CCN5: variants seen among roughly 807,000 people sequenced by gnomAD.
CCN5 encodes the protein CCN family member 5.
Under a neutral mutation model 18.7 loss-of-function variants are expected in CCN5, and 17 were observed. The ratio of observed to expected loss-of-function variants is 0.91; its 90% CI spans 0.62 to 1.36. The LOEUF is 1.36. CCN5 is among the 40% of genes most tolerant of loss of function. The pLI is 0.00. For missense variants in CCN5, 367 were observed against 342.9 expected, an observed-to-expected ratio of 1.07 and a Z score of -0.56; for synonymous variants, 135 against 145.2, an observed-to-expected ratio of 0.93 and a Z score of 0.50.
upstream of CCN5, chr20:44,715,098 A>C: frequency 4.7e-6 from 1 of 213,966 alleles, no homozygotes; most frequent in African/African-American, 2.5e-5. Context: ...ACACACGCGC[A>C]CACACACACA....
upstream of CCN5, chr20:44,715,227 G>GTT (rs1168941016): frequency 3.6e-4 from 202 of 556,536 alleles, 2 homozygotes; most frequent in Middle Eastern, 5.2e-3. Context: ...AAGCTAGTGT[G>GTT]TTTGTGTGTG....
chr20:44,721,394 C>T (rs1014630983), intron 2 of CCN5: 2 of 150,262 alleles, frequency 1.3e-5, no homozygotes, highest in East Asian at 3.9e-4. Context: ...TGCCTGTGGT[C>T]CCAGCTACTT....
chr20:44,724,959 G>A lies in CCN5; in HGVS notation c.499G>A (p.Gly167Arg). 1.3e-6 allele frequency: 2 copies of A among 1,594,548 alleles called. No individual in the cohort carries two copies. The highest frequency in any genetic ancestry group is 8.5e-7 in the Non-Finnish European group (1 of 1,171,574). Residue 167 changes from glycine to arginine, a missense_variant, in exon 3 of 4, where the codon GGG (glycine) becomes AGG (arginine). Physicochemically the swap from Gly to Arg is moderately radical, Grantham distance 125. Coordinates refer to ENST00000190983, the MANE Select transcript of CCN5 (RefSeq NM_003881.4). ...CCPEWVCGQG[G>R]GLGTQPLPAQ... ...CCCTGAGTGGGTGTGCGGCCAAGGAGGGGGACTGGGGACCCAGCCCCTTCC... is the reference window on the plus strand; with the variant it reads ...CCCTGAGTGGGTGTGCGGCCAAGGAAGGGGACTGGGGACCCAGCCCCTTCC...
In CCN5 at chr20:44,727,418, A is replaced by T; in HGVS notation, c.*111A>T. On this transcript the variant is annotated 3_prime_UTR_variant, in exon 4 of 4. Coordinates refer to ENST00000190983, the MANE Select transcript of CCN5 (RefSeq NM_003881.4). Reference sequence around the variant, plus strand: ...GTGCCCAGGCCCTTGGCTGCAGGCAACACTTTAGCTTGGGTCCACCATGCA... The same window carrying T: ...GTGCCCAGGCCCTTGGCTGCAGGCATCACTTTAGCTTGGGTCCACCATGCA... 1 of 1,449,654 alleles carries T rather than the reference A, an allele frequency of 6.9e-7. No individual in the cohort carries two copies. 89.8% of individuals were successfully genotyped at this position (1,449,654 alleles called of 1,614,324 possible). A position where few individuals can be genotyped will look rare whatever the true frequency, so the allele number is the denominator to read the frequency against.
chr20:44,725,122 A>G, intron 3 of CCN5, 130 bp downstream of exon 3: 1 of 1,255,758 alleles, frequency 8.0e-7, no homozygotes, highest in Non-Finnish European at 1.0e-6. Context: ...GGAGGGGCGG[A>G]GGCTGAGGAG....
intron 2 of CCN5, among the ~76,000 whole-genome samples, chr20:44,721,897 A>G (rs1309703453): frequency 1.3e-5 from 2 of 152,274 alleles, no homozygotes. Flanking sequence ...TAAGCGGCAG[A>G]GCTGAGATTT....
At chr20:44,715,276 CGCGCGT>C (rs1342999902), upstream of CCN5, 2,500 of 769,194 alleles carry the variant, frequency 3.3e-3, 60 homozygotes, top group African/African-American at 0.037. Context: ...CGCGCGCGCG[CGCGCGT>C]GTGTACTCGT....
rs2065927090 is a variant in CCN5 at position 44,725,053 on chromosome 20, G to T, written c.532+61G>T. 2.1e-6 allele frequency: 3 copies of T among 1,462,080 alleles called. No individual in the cohort carries two copies. The East Asian group carries it at 7.2e-5, about 35-fold the overall frequency. The allele number at this position is 1,462,080 out of a possible 1,614,324, so 90.6% of individuals were successfully genotyped here. ...GCCTGGGGGCGCCAAGGGCCACCTA[G>T]GGGGTGGGGTGGGGGGCGGCTTCCT... On this transcript the variant is annotated intron_variant, in intron 3 of 3. Coordinates refer to ENST00000190983, the MANE Select transcript of CCN5 (RefSeq NM_003881.4).
At chr20:44,718,930 T>C (rs1025420253) in intron 1 of CCN5, among the ~76,000 whole-genome samples, 1 of 152,166 alleles carries the variant, frequency 6.6e-6, no homozygotes, top group Non-Finnish European at 1.5e-5. Context: ...CCAGAGTGGG[T>C]TGGGGGTCTG....
intron 2 of CCN5, chr20:44,721,054 A>G (rs757120864): frequency 1.3e-5 from 2 of 152,148 alleles, no homozygotes; most frequent in Non-Finnish European, 2.9e-5. Flanking sequence ...GAGGCAAGAG[A>G]TTGTTCTTCT....
At chr20:44,715,229 T>TTG (rs746209770), upstream of CCN5, 29,545 of 512,584 alleles carry the variant, frequency 0.058, 697 homozygotes, top group Admixed American at 0.17. Flanking sequence ...GCTAGTGTGT[T>TTG]TGTGTGTGTG....
intron 2 of CCN5, chr20:44,720,454 T>G: frequency 7.6e-6 from 3 of 393,452 alleles, no homozygotes; most frequent in East Asian, 5.8e-5. Flanking sequence ...CTCAGGATCC[T>G]TACAACACTT....
intron 3 of CCN5, 70 bp from the exon 4 acceptor site, chr20:44,727,017 C>A: frequency 6.9e-7 from 1 of 1,441,318 alleles, no homozygotes; most frequent in Non-Finnish European, 9.3e-7. Flanking sequence ...GCCGTGGCCG[C>A]TGGCAGGTGG....
At position 44,727,331 on chromosome 20, in the gene CCN5, G is replaced by A. The variant is rs544099366; in HGVS notation, c.*24G>A. On this transcript the variant is annotated 3_prime_UTR_variant, in exon 4 of 4. Transcript: ENST00000190983. ...AGAGCCGGGCTGGGAATGGGGACAC[G>A]GTGTCCACCATCCCCAGCTGGTGGC... The A allele has an allele frequency of 2.4e-5, 38 of 1,588,844 alleles. No individual in the cohort carries two copies. The highest frequency in any genetic ancestry group is 3.0e-5 in the Non-Finnish European group (35 of 1,165,150).
At position 44,727,480 on chromosome 20, in the gene CCN5, A is replaced by C; in HGVS notation, c.*173A>C. On this transcript the variant is annotated 3_prime_UTR_variant, in exon 4 of 4. Transcript: ENST00000190983. ...TTAACACGCTGCCTGGTCTGTCTGG[A>C]TCCCGAGGTATGGCAGAGGTGCAAG... 7.0e-7 allele frequency: 1 copy of C among 1,424,936 alleles called. No individual in the cohort carries two copies. Among genetic ancestry groups the C allele is most frequent in the Non-Finnish European group, 9.2e-7 (1 of 1,084,974 alleles). 88.3% of individuals were successfully genotyped at this position (1,424,936 alleles called of 1,614,324 possible).
In CCN5 at chr20:44,724,852, T is replaced by TTCACA; in HGVS notation, c.392_393insTCACA (p.Pro132HisfsTer172). ...TGCGAGGACGGCGGCTTCACCTGCG[T>TTCACA]GCCGCTGTGCAGCGAGGATGTGCGG... On this transcript the variant is annotated frameshift_variant, in exon 3 of 4. Transcript: ENST00000190983. LOFTEE classifies it high-confidence loss of function. The TTCACA allele has an allele frequency of 6.3e-7, 1 of 1,598,246 alleles. No individual in the cohort carries two copies. Among genetic ancestry groups the TTCACA allele is most frequent in the Non-Finnish European group, 8.5e-7 (1 of 1,173,448 alleles).
At chr20:44,715,080 TCACA>T (rs1164261881), upstream of CCN5, 10 of 298,776 alleles carry the variant, frequency 3.3e-5, no homozygotes, top group Non-Finnish European at 5.1e-5. Context: ...GCTCAGGCTT[TCACA>T]CACACACACG....
At chr20:44,715,229 T>TG (rs2065847374), upstream of CCN5, 2 of 517,530 alleles carry the variant, frequency 3.9e-6, no homozygotes, top group African/African-American at 2.5e-5. Flanking sequence ...GCTAGTGTGT[T>TG]TGTGTGTGTG....
chr20:44,726,674 ATGGTGAACC>A (rs1200357456), intron 3 of CCN5, among the ~76,000 whole-genome samples: 1 of 152,144 alleles, frequency 6.6e-6, no homozygotes, highest in Non-Finnish European at 1.5e-5. Context: ...AAGCTAGACC[ATGGTGAACC>A]TGCCATCTTG....
Sources: gnomAD v4.1 joint callset for allele counts (sites outside exome capture counted in the v4.1 genomes callset) on GRCh38, gnomAD v4.1.1 for gene constraint, MANE v1.5 for transcripts, NCBI Gene and HGNC (gene_info 2026-07-23, HGNC 2026-07-21) for gene names.